FBXO42: variants seen among roughly 807,000 people sequenced by gnomAD.
FBXO42 encodes F-box protein 42, also known as F-box only protein 42.
Under a neutral mutation model 71.7 loss-of-function variants are expected in FBXO42, and 12 were observed. The observed-to-expected ratio is 0.17, with a 90% CI of 0.11 to 0.27. FBXO42 has a LOEUF of 0.27. Among genes scored for constraint, FBXO42 ranks in the 10% least tolerant of loss-of-function variants. The probability of loss-of-function intolerance (pLI) is 1.00; values close to 1 mark genes in which losing one functional copy is unlikely to be tolerated. For missense variants in FBXO42, 707 were observed against 911.9 expected, an observed-to-expected ratio of 0.78 and a Z score of 2.89; for synonymous variants, 325 against 327.5, an observed-to-expected ratio of 0.99 and a Z score of 0.08.
In FBXO42 at chr1:16,253,020, A is replaced by G. The variant is rs974756241; in HGVS notation, c.921+76T>C. 8 of 1,307,940 alleles carry G rather than the reference A, an allele frequency of 6.1e-6. No homozygotes were observed. In the African/African-American group the frequency reaches 8.8e-5, roughly 14 times the overall value. The allele number at this position is 1,307,940 out of a possible 1,614,324, so 81.0% of individuals were successfully genotyped here. On this transcript the variant is annotated intron_variant, in intron 8 of 9. Transcript: ENST00000375592. ...CATGGAAATAGTCTTGTATACTCCT[A>G]GAAAAGAAGACAGGGGAAACAGGTT...
intron 1 of FBXO42, among the ~76,000 whole-genome samples, chr1:16,346,460 G>A (rs368139127): frequency 4.6e-5 from 7 of 151,938 alleles, no homozygotes; most frequent in Admixed American, 2.6e-4. Context: ...AGTCCGAGGC[G>A]GGCGGATCAT....
In FBXO42 at chr1:16,333,445, C is replaced by G. The variant is rs372587405; in HGVS notation, c.-17-18010G>C. On this transcript the variant is annotated intron_variant, in intron 1 of 9. Coordinates refer to ENST00000375592, the MANE Select transcript of FBXO42 (RefSeq NM_018994.3). ...CTGGGCAAATAGTGAGACCCCCCCC[C>G]CCCATTTCCAAGAAGAAAAAAAAAA... Among the ~76,000 whole-genome samples, 587 of 138,916 alleles carry G rather than the reference C, an allele frequency of 4.2e-3. 13 individuals carry two copies. The highest frequency in any genetic ancestry group is 0.015 in the South Asian group (60 of 4,002). The allele number at this position is 138,916 out of a possible 152,430, so 91.1% of individuals were successfully genotyped here. A position where few individuals can be genotyped will look rare whatever the true frequency, so the allele number is the denominator to read the frequency against.
rs1400190792 is a variant in FBXO42 at position 16,252,858 on chromosome 1, G to A, written c.921+238C>T. On this transcript the variant is annotated intron_variant, in intron 8 of 9. Coordinates refer to ENST00000375592, the MANE Select transcript of FBXO42 (RefSeq NM_018994.3). The surrounding 1 kb of genome is among the most constrained non-coding windows in gnomAD (Gnocchi z 4.4). Reference sequence around the variant, plus strand: ...TAGCCTAAAAAGGAAATAGGAATGGGAAGAATATAGATATGAATATTCAAG... The same window carrying A: ...TAGCCTAAAAAGGAAATAGGAATGGAAAGAATATAGATATGAATATTCAAG... 6.6e-6 allele frequency among the ~76,000 whole-genome samples: 1 copy of A among 151,980 alleles called. No homozygotes were observed. Among genetic ancestry groups the A allele is most frequent in the African/African-American group, 2.4e-5 (1 of 41,344 alleles).
At chr1:16,285,068 C>T (rs1204250479) in intron 4 of FBXO42, among the ~76,000 whole-genome samples, 1 of 151,676 alleles carries the variant, frequency 6.6e-6, no homozygotes, top group African/African-American at 2.4e-5. Context: ...ACTGCTTGAA[C>T]CTAGTTGGCG....
At chr1:16,279,186 C>A (rs898645201) in intron 4 of FBXO42, among the ~76,000 whole-genome samples, 16 of 152,138 alleles carry the variant, frequency 1.1e-4, no homozygotes, top group Admixed American at 7.9e-4. Flanking sequence ...CTTTTTCCTG[C>A]CCCCACCTCC....
intron 4 of FBXO42, among the ~76,000 whole-genome samples, chr1:16,263,585 T>C (rs2100454441): frequency 6.6e-6 from 1 of 150,984 alleles, no homozygotes; most frequent in Non-Finnish European, 1.5e-5. Flanking sequence ...TAGCCCGGCA[T>C]GGTGGTGCAC....
intron 4 of FBXO42, among the ~76,000 whole-genome samples, chr1:16,286,786 T>C (rs1320803253): frequency 6.6e-6 from 1 of 152,150 alleles, no homozygotes; most frequent in Non-Finnish European, 1.5e-5. Flanking sequence ...CTTCCCCATC[T>C]CAGTTAATGA....
intron 1 of FBXO42, among the ~76,000 whole-genome samples, chr1:16,340,735 AG>A (rs1261459642): frequency 6.6e-6 from 1 of 152,218 alleles, no homozygotes; most frequent in African/African-American, 2.4e-5. Flanking sequence ...ACTGAGCAAT[AG>A]GCTTAAAATA....
intron 3 of FBXO42, 44 bp from the exon 4 acceptor site, chr1:16,294,961 C>T: frequency 3.2e-6 from 5 of 1,543,832 alleles, no homozygotes; most frequent in Non-Finnish European, 4.4e-6. Flanking sequence ...AATTCTGAGG[C>T]CCTTCCAACA....
At chr1:16,329,439 C>A (rs1293745971) in intron 1 of FBXO42, among the ~76,000 whole-genome samples, 4 of 151,736 alleles carry the variant, frequency 2.6e-5, no homozygotes, top group African/African-American at 4.8e-5. Flanking sequence ...AAAAAATTAG[C>A]CAGGCGTGGC....
Position 16,252,518 on chromosome 1 carries a change from C to A in FBXO42, c.922-114G>T. ...GTCTGGTCTTGAAAGGATGTGGACTCTTCAGAAGGATAGCAAAATCCTCAG... is the reference window on the plus strand; with the variant it reads ...GTCTGGTCTTGAAAGGATGTGGACTATTCAGAAGGATAGCAAAATCCTCAG... On this transcript the variant is annotated intron_variant, in intron 8 of 9. Transcript: ENST00000375592. The surrounding 1 kb of genome is among the most constrained non-coding windows in gnomAD (Gnocchi z 4.4). 1 of 770,418 alleles carries A rather than the reference C, an allele frequency of 1.3e-6. No homozygotes were observed. The allele number at this position is 770,418 out of a possible 1,614,324, so 47.7% of individuals were successfully genotyped here.
At chr1:16,276,645 T>A (rs190688756) in intron 4 of FBXO42, among the ~76,000 whole-genome samples, 2 of 152,226 alleles carry the variant, frequency 1.3e-5, no homozygotes, top group Non-Finnish European at 2.9e-5. Context: ...TTAATCTATA[T>A]AGCATTGGAG....
chr1:16,334,029 G>C (rs146184449), intron 1 of FBXO42, among the ~76,000 whole-genome samples: 1 of 152,156 alleles, frequency 6.6e-6, no homozygotes, highest in African/African-American at 2.4e-5. Context: ...CCATTTCTAT[G>C]AAAATAAGTG....
chr1:16,350,753 A>AGAAAGGAAGAAAG (rs1553156680), intron 1 of FBXO42, among the ~76,000 whole-genome samples: 1 of 28,872 alleles, frequency 3.5e-5, no homozygotes, highest in Non-Finnish European at 6.3e-5. Context: ...CAAAAAAAAA[A>AGAAAGGAAGAAAG]AAAAAAAGAA....
intron 4 of FBXO42, among the ~76,000 whole-genome samples, chr1:16,275,984 G>A (rs2081898035): frequency 6.6e-6 from 1 of 151,856 alleles, no homozygotes; most frequent in African/African-American, 2.4e-5. Context: ...ACAAAAAAGG[G>A]CAAAGGAGCC....
At chr1:16,326,825 T>G (rs2082456478) in intron 1 of FBXO42, among the ~76,000 whole-genome samples, 1 of 151,970 alleles carries the variant, frequency 6.6e-6, no homozygotes, top group Admixed American at 6.6e-5. Flanking sequence ...AACAAACAAC[T>G]AATAAAACAT....
chr1:16,265,115 C>T (rs962900679), intron 4 of FBXO42, among the ~76,000 whole-genome samples: 11 of 152,142 alleles, frequency 7.2e-5, no homozygotes, highest in African/African-American at 1.7e-4. Flanking sequence ...TTTTTTGAGA[C>T]GGAGTTTCGC....
At chr1:16,294,130 C>G (rs190450081) in intron 4 of FBXO42, 2 of 152,426 alleles carry the variant, frequency 1.3e-5, no homozygotes, top group Admixed American at 1.3e-4. Flanking sequence ...GACACTATTT[C>G]TCCATCACAC....
intron 6 of FBXO42, among the ~76,000 whole-genome samples, chr1:16,255,480 G>A (rs749613001): frequency 3.3e-5 from 5 of 152,080 alleles, no homozygotes; most frequent in Admixed American, 1.3e-4. Flanking sequence ...GACTACAGGT[G>A]TGTGCCACCA....
Sources: allele counts gnomAD v4.1 joint callset (sites outside exome capture counted in the v4.1 genomes callset), GRCh38; gene constraint gnomAD v4.1.1; non-coding constraint Gnocchi (gnomAD v3.1); transcripts MANE v1.5; gene names NCBI Gene and HGNC (gene_info 2026-07-23, HGNC 2026-07-21).